The following TUBGCP3 variants were observed in gnomAD, a reference collection of about 807,000 sequenced individuals.
TUBGCP3 encodes the protein gamma-tubulin complex component 3.
TUBGCP3 carries 50 observed loss-of-function variants against 123.1 expected under a neutral mutation model. That is an observed-to-expected ratio of 0.41 (90% CI 0.32 to 0.51). The LOEUF is 0.51. TUBGCP3 is among the 20% of genes least tolerant of loss of function. The pLI, the probability that TUBGCP3 is intolerant of heterozygous loss-of-function variation, is 0.36. For synonymous variants in TUBGCP3, 405 were observed against 413.9 expected (o/e 0.98, Z 0.26); for missense variants, 882 against 1,127.0 (o/e 0.78, Z 3.11).
chr13:112,590,649 T>G (rs1882867712), upstream of TUBGCP3, among the ~76,000 whole-genome samples: 1 of 152,132 alleles, frequency 6.6e-6, no homozygotes, highest in South Asian at 2.1e-4. Context: ...TTTGGGGAGT[T>G]CCTCAAGAAC....
At chr13:112,536,030 T>C (rs1226347625) in intron 11 of TUBGCP3, among the ~76,000 whole-genome samples, 4 of 152,248 alleles carry the variant, frequency 2.6e-5, no homozygotes, top group Non-Finnish European at 5.9e-5. Flanking sequence ...TTTATCTCCA[T>C]TGAGTAATCT....
In TUBGCP3 at chr13:112,581,913, A is replaced by G. The variant is rs181552696; in HGVS notation, c.76+5992T>C. 2.1e-4 allele frequency among the ~76,000 whole-genome samples: 32 copies of G among 152,322 alleles called. No individual in the cohort carries two copies. The East Asian group carries it at 5.0e-3, about 24-fold the overall frequency. On this transcript the variant is annotated intron_variant, in intron 1 of 21. Transcript: ENST00000261965. ...CCTCCTCACTTTCTCTGCACCTCAG[A>G]TGGATGTCATCATTTCACCCCCACT...
At chr13:112,518,702 TGAAC>T (rs1290878144) in intron 16 of TUBGCP3, among the ~76,000 whole-genome samples, 1 of 152,162 alleles carries the variant, frequency 6.6e-6, no homozygotes, top group Non-Finnish European at 1.5e-5. Context: ...TGGAAGAAAA[TGAAC>T]AGTCCATTTA....
intron 1 of TUBGCP3, among the ~76,000 whole-genome samples, chr13:112,582,948 ATGACTTAT>A (rs1882376948): frequency 6.6e-6 from 1 of 152,240 alleles, no homozygotes; most frequent in Non-Finnish European, 1.5e-5. Flanking sequence ...AAGCTGGGCC[ATGACTTAT>A]TGTCTCTATC....
At chr13:112,493,618 T>C (rs1880293792) in intron 20 of TUBGCP3, among the ~76,000 whole-genome samples, 1 of 148,520 alleles carries the variant, frequency 6.7e-6, no homozygotes, top group Non-Finnish European at 1.5e-5. Context: ...ATGCTCTGGC[T>C]ATGGGAACAG....
chr13:112,536,279 G>A (rs912580177), intron 11 of TUBGCP3, among the ~76,000 whole-genome samples: 2 of 152,228 alleles, frequency 1.3e-5, no homozygotes, highest in Non-Finnish European at 2.9e-5. Flanking sequence ...TTCTGCAAAG[G>A]CTGTTGGAAT....
chr13:112,581,358 T>A (rs992606720), intron 1 of TUBGCP3, among the ~76,000 whole-genome samples: 2 of 152,210 alleles, frequency 1.3e-5, no homozygotes, highest in Admixed American at 1.3e-4. Flanking sequence ...ATTTTTCCAC[T>A]TTCTGAATTT....
chr13:112,546,989 T>A (rs1240105084), intron 10 of TUBGCP3: 2 of 153,904 alleles, frequency 1.3e-5, no homozygotes, highest in Admixed American at 1.3e-4. Flanking sequence ...AAGTAACTGC[T>A]ACTAGGATCT....
At chr13:112,561,362 A>G (rs1880503715) in intron 3 of TUBGCP3, among the ~76,000 whole-genome samples, 1 of 152,218 alleles carries the variant, frequency 6.6e-6, no homozygotes, top group Admixed American at 6.5e-5. Context: ...AAATCCTGTC[A>G]TCGTCACAAC....
chr13:112,513,647 T>C (rs1001262033), intron 17 of TUBGCP3, among the ~76,000 whole-genome samples: 1 of 152,222 alleles, frequency 6.6e-6, no homozygotes, highest in African/African-American at 2.4e-5. Context: ...AGCAGGACAT[T>C]TCTAACGCGC....
intron 1 of TUBGCP3, 46 bp from the exon 2 acceptor site, chr13:112,569,305 G>T: frequency 6.3e-7 from 1 of 1,582,764 alleles, no homozygotes; most frequent in Non-Finnish European, 8.7e-7. Context: ...ACCAGGTTAC[G>T]TTCTGGTCAC....
At chr13:112,599,121 A>G in the TUBGCP3 span, among the ~76,000 whole-genome samples, 1 of 152,216 alleles carries the variant, frequency 6.6e-6, no homozygotes, top group Admixed American at 6.5e-5. Flanking sequence ...CCACAGAGGT[A>G]AAGTACAGTT....
At chr13:112,560,746 A>G (rs1462464275) in intron 3 of TUBGCP3, among the ~76,000 whole-genome samples, 1 of 152,212 alleles carries the variant, frequency 6.6e-6, no homozygotes, top group African/African-American at 2.4e-5. Flanking sequence ...TTAAATTACT[A>G]ACTTTAAAAA....
At chr13:112,544,265 A>T (rs551532289) in intron 11 of TUBGCP3, among the ~76,000 whole-genome samples, 6 of 152,022 alleles carry the variant, frequency 3.9e-5, no homozygotes, top group Admixed American at 3.3e-4. Flanking sequence ...CATCCTGGCT[A>T]ACACAGTGAA....
Position 112,499,079 on chromosome 13 carries a change from T to C in TUBGCP3, c.2414A>G (p.Gln805Arg), listed in dbSNP as rs747070904. ...ACGCTGTTTCTTTTTCTCTTCAAAC[T>C]GTAATCGTCTCTGCAATTCTTCCAG... is the stretch of plus-strand genomic sequence containing the variant. Reference protein sequence around the residue: ...AALEELQRRLQFEEKKKQREI... With the variant: ...AALEELQRRLRFEEKKKQREI... Residue 805 changes from glutamine (Q) to arginine (R), a missense_variant, in exon 20 of 22, where the codon CAG (glutamine) becomes CGG (arginine). Coordinates refer to ENST00000261965, the MANE Select transcript of TUBGCP3 (RefSeq NM_006322.6). The C allele has an allele frequency of 5.0e-6, 8 of 1,614,224 alleles. No homozygotes were observed. Among genetic ancestry groups the C allele is most frequent in the Non-Finnish European group, 5.9e-6 (7 of 1,180,036 alleles).
chr13:112,504,525 TATATATACACAC>T, intron 18 of TUBGCP3, 89 bp downstream of exon 18: 1 of 789,508 alleles, frequency 1.3e-6, no homozygotes, highest in Non-Finnish European at 1.9e-6. Flanking sequence ...TATATACACA[TATATATACACAC>T]ATACATACAC....
chr13:112,525,909 T>G (rs1262949827), intron 13 of TUBGCP3, among the ~76,000 whole-genome samples: 1 of 152,194 alleles, frequency 6.6e-6, no homozygotes, highest in East Asian at 1.9e-4. Flanking sequence ...AAAAGGAAAT[T>G]AAAAATTTAC....
chr13:112,600,471 G>A, the TUBGCP3 span, among the ~76,000 whole-genome samples: 50 of 152,026 alleles, frequency 3.3e-4, no homozygotes, highest in Non-Finnish European at 5.7e-4. Flanking sequence ...TCATATCAAC[G>A]GATTGAAACT....
At chr13:112,502,080 G>A (rs1224288503) in intron 19 of TUBGCP3, among the ~76,000 whole-genome samples, 2 of 152,172 alleles carry the variant, frequency 1.3e-5, no homozygotes, top group Non-Finnish European at 2.9e-5. Context: ...GAAATCTAAT[G>A]ACTGTAAACA....
Sources: gnomAD v4.1 joint callset for allele counts (sites outside exome capture counted in the v4.1 genomes callset) on GRCh38, gnomAD v4.1.1 for gene constraint, MANE v1.5 for transcripts, NCBI Gene and HGNC (gene_info 2026-07-23, HGNC 2026-07-21) for gene names.